ENPP1: variants seen among roughly 807,000 people sequenced by gnomAD.
The protein encoded by ENPP1 is ectonucleotide pyrophosphatase/phosphodiesterase 1.
Under a neutral mutation model 122.8 loss-of-function variants are expected in ENPP1, and 73 were observed. That is an observed-to-expected ratio of 0.59 (90% CI 0.49 to 0.72). The LOEUF is 0.72. Among genes scored for constraint, ENPP1 ranks in the 30% least tolerant of loss-of-function variants. The pLI is 0.00. For synonymous variants in ENPP1, 367 were observed against 391.6 expected (o/e 0.94, Z 0.74); for missense variants, 978 against 1,128.1 (o/e 0.87, Z 1.91).
At chr6:131,859,274 T>G (rs951423598) in intron 7 of ENPP1, among the ~76,000 whole-genome samples, 1 of 152,222 alleles carries the variant, frequency 6.6e-6, no homozygotes, top group African/African-American at 2.4e-5. Flanking sequence ...TAGCTTATAT[T>G]GATCCAAGCT....
At chr6:131,883,521 A>G (rs1782339159) in intron 21 of ENPP1, among the ~76,000 whole-genome samples, 173 bp from the exon 22 acceptor site, 1 of 152,178 alleles carries the variant, frequency 6.6e-6, no homozygotes. Context: ...TTATTTTTGT[A>G]AAGGACTTGA....
chr6:131,880,331 A>T (rs1782286166), intron 20 of ENPP1, among the ~76,000 whole-genome samples: 1 of 152,112 alleles, frequency 6.6e-6, no homozygotes, highest in Admixed American at 6.6e-5. Context: ...TGGGAGGCCG[A>T]GGCGGGCAGA....
In ENPP1 at chr6:131,808,095, C is replaced by T; in HGVS notation, c.60C>T (p.Pro20=). 4 of 1,151,800 alleles carry T rather than the reference C, an allele frequency of 3.5e-6. No individual in the cohort carries two copies. Among genetic ancestry groups the T allele is most frequent in the Non-Finnish European group, 4.3e-6 (4 of 934,968 alleles). 71.3% of individuals were successfully genotyped at this position (1,151,800 alleles called of 1,614,324 possible). Residue 20 remains proline (P), a synonymous_variant, in exon 1 of 25, where the codon CCC becomes CCT. Coordinates refer to ENST00000647893, the MANE Select transcript of ENPP1 (RefSeq NM_006208.3). ...GCGGCGGCGAGGGCGGGCGCGCTCC[C>T]CGGGAGGGCCCGGCGGGGAACGGCC... is the stretch of plus-strand genomic sequence containing the variant. ...GSRGGEGGRA[P]REGPAGNGRD...
At chr6:131,810,503 A>G (rs748036001) in intron 1 of ENPP1, among the ~76,000 whole-genome samples, 1 of 134,482 alleles carries the variant, frequency 7.4e-6, no homozygotes, top group Non-Finnish European at 1.5e-5. Context: ...AAAGGCCCCA[A>G]AAGCATCCTG....
intron 1 of ENPP1, among the ~76,000 whole-genome samples, chr6:131,816,411 G>T (rs1781414386): frequency 6.6e-6 from 1 of 152,140 alleles, no homozygotes; most frequent in African/African-American, 2.4e-5. Flanking sequence ...TTTAGCAAAT[G>T]AGCTCAGGGC....
Position 131,895,017 on chromosome 6 carries a change from TAATGAC to T in ENPP1, c.*4507_*4512del, listed in dbSNP as rs1782528287. 6.6e-6 allele frequency: 1 copy of T among 152,262 alleles called. No homozygotes were observed. Among genetic ancestry groups the T allele is most frequent in the South Asian group, 2.1e-4 (1 of 4,834 alleles). The allele number at this position is 152,262 out of a possible 1,614,324, so 9.4% of individuals were successfully genotyped here. A position where few individuals can be genotyped will look rare whatever the true frequency, so the allele number is the denominator to read the frequency against. On this transcript the variant is annotated 3_prime_UTR_variant, in exon 25 of 25. Transcript: ENST00000647893. Reference sequence around the variant, plus strand: ...TTCATAAGCATTAAGTAAAATTTTATAATGACTGCAGTCCAAGGACATTTTCCCTGG... The same window carrying T: ...TTCATAAGCATTAAGTAAAATTTTATTGCAGTCCAAGGACATTTTCCCTGG...
At chr6:131,819,781 G>T in intron 1 of ENPP1, 1 of 357,364 alleles carries the variant, frequency 2.8e-6, no homozygotes, top group South Asian at 2.7e-5. Flanking sequence ...ATGTCCAGTT[G>T]TCTGCTTCAT....
At chr6:131,860,074 C>T (rs1160124460) in intron 7 of ENPP1, among the ~76,000 whole-genome samples, 2 of 152,298 alleles carry the variant, frequency 1.3e-5, no homozygotes, top group East Asian at 3.9e-4. Context: ...ATCCGCCTGC[C>T]TCAGCCTCCC....
chr6:131,890,222 G>T, intron 24 of ENPP1, 119 bp from the exon 25 acceptor site: 2 of 804,056 alleles, frequency 2.5e-6, no homozygotes, highest in South Asian at 2.8e-5. Flanking sequence ...AAATCATGTG[G>T]CACGTTCCAC....
At chr6:131,871,370 G>A (rs1187889521) in intron 13 of ENPP1, among the ~76,000 whole-genome samples, 1 of 152,116 alleles carries the variant, frequency 6.6e-6, no homozygotes, top group Non-Finnish European at 1.5e-5. Flanking sequence ...CTATGCAAAT[G>A]CAGTTTTTAA....
intron 1 of ENPP1, among the ~76,000 whole-genome samples, chr6:131,837,924 T>A (rs1346584856): frequency 1.3e-5 from 2 of 152,172 alleles, no homozygotes; most frequent in Non-Finnish European, 2.9e-5. Flanking sequence ...AGAAATTTTA[T>A]TTTTTTACTT....
chr6:131,814,927 G>A (rs1304003663), intron 1 of ENPP1, among the ~76,000 whole-genome samples: 1 of 152,122 alleles, frequency 6.6e-6, no homozygotes, highest in Non-Finnish European at 1.5e-5. Context: ...TTGAATGAAT[G>A]TACTGCATTT....
intron 24 of ENPP1, among the ~76,000 whole-genome samples, chr6:131,887,155 TTC>T (rs1396733596): frequency 2.0e-5 from 3 of 152,028 alleles, no homozygotes; most frequent in African/African-American, 7.2e-5. Flanking sequence ...GGTATGGATT[TTC>T]TCTTTTTTTA....
rs1358860849 is a variant in ENPP1, at chr6:131,893,941, C to G, written c.*3430C>G. On this transcript the variant is annotated 3_prime_UTR_variant, in exon 25 of 25. Coordinates refer to ENST00000647893, the MANE Select transcript of ENPP1 (RefSeq NM_006208.3). ...AATGCAAAGTGAAACCTTTATTTAT[C>G]TTGATTTCTTTTTTTTTTTTTTTTT... The G allele has an allele frequency of 1.0e-5, 1 of 95,314 alleles. No homozygotes were observed. The allele number at this position is 95,314 out of a possible 1,614,324, so 5.9% of individuals were successfully genotyped here.
At chr6:131,872,420 C>T (rs924061288) in intron 14 of ENPP1, among the ~76,000 whole-genome samples, 9 of 152,036 alleles carry the variant, frequency 5.9e-5, no homozygotes, top group South Asian at 2.1e-4. Context: ...ACACCATTAG[C>T]GTTATGATAT....
intron 21 of ENPP1, among the ~76,000 whole-genome samples, 172 bp downstream of exon 21, chr6:131,882,646 CTA>C (rs1782327611): frequency 8.1e-5 from 9 of 111,394 alleles, no homozygotes; most frequent in South Asian, 3.0e-4. Flanking sequence ...ATATATATTA[CTA>C]TTTTATATAT....
At chr6:131,883,949 T>C (rs1375891331) in intron 22 of ENPP1, among the ~76,000 whole-genome samples, 175 bp downstream of exon 22, 1 of 152,328 alleles carries the variant, frequency 6.6e-6, no homozygotes, top group Admixed American at 6.5e-5. Context: ...ATTAGAATTA[T>C]CATGTATTCT....
At chr6:131,838,798 C>T (rs978622285) in intron 1 of ENPP1, among the ~76,000 whole-genome samples, 3 of 152,034 alleles carry the variant, frequency 2.0e-5, no homozygotes, top group African/African-American at 7.2e-5. Flanking sequence ...AATAGAGATG[C>T]TGCAGGCATT....
At chr6:131,843,981 T>TTG (rs368878066) in intron 1 of ENPP1, among the ~76,000 whole-genome samples, 22 of 152,062 alleles carry the variant, frequency 1.4e-4, no homozygotes, top group South Asian at 1.0e-3. Context: ...TGTGGTGTTT[T>TTG]TGTGTGTGTG....
Sources: gnomAD v4.1 joint callset for allele counts (sites outside exome capture counted in the v4.1 genomes callset) on GRCh38, gnomAD v4.1.1 for gene constraint, MANE v1.5 for transcripts, NCBI Gene and HGNC (gene_info 2026-07-23, HGNC 2026-07-21) for gene names.